The following RERE variants were observed in gnomAD, a reference collection of about 807,000 sequenced individuals.
The protein encoded by RERE is arginine-glutamic acid dipeptide repeats.
In RERE, 40 loss-of-function variants were observed where a neutral mutation model predicts 146.1. The observed-to-expected ratio is 0.27, with a 90% CI of 0.21 to 0.36. The LOEUF (loss-of-function observed/expected upper bound fraction) is 0.36, where lower values mean the gene tolerates loss of function less well. Ranked by LOEUF, RERE falls within the 10% of genes least tolerant of loss-of-function variation. The pLI is 1.00. For synonymous variants in RERE, 1,003 were observed against 866.0 expected, an observed-to-expected ratio of 1.16 and a Z score of -2.78; for missense variants, 1,933 against 2,138.7, an observed-to-expected ratio of 0.90 and a Z score of 1.90.
intron 12 of RERE, among the ~76,000 whole-genome samples, chr1:8,392,885 C>T (rs574018282): frequency 9.9e-5 from 15 of 152,238 alleles, no homozygotes; most frequent in East Asian, 1.9e-4. Flanking sequence ...GCAGAGAACA[C>T]GATGTGCATT....
intron 1 of RERE, among the ~76,000 whole-genome samples, chr1:8,810,680 T>G (rs1444293068): frequency 2.0e-5 from 3 of 152,170 alleles, no homozygotes; most frequent in Admixed American, 6.5e-5. Flanking sequence ...TAAACTAGAA[T>G]AGTAGTATCT....
intron 1 of RERE, among the ~76,000 whole-genome samples, chr1:8,759,903 A>G (rs549297270): frequency 1.3e-5 from 2 of 151,940 alleles, no homozygotes; most frequent in Non-Finnish European, 2.9e-5. Flanking sequence ...CAGAGCTATT[A>G]CACTGTATAA....
chr1:8,791,444 T>C (rs1274410161), intron 1 of RERE, among the ~76,000 whole-genome samples: 1 of 152,178 alleles, frequency 6.6e-6, no homozygotes, highest in Admixed American at 6.5e-5. Context: ...ATGCCTAGCA[T>C]TATATCTTGC....
At chr1:8,654,050 G>A (rs928262507) in intron 2 of RERE, among the ~76,000 whole-genome samples, 7 of 151,368 alleles carry the variant, frequency 4.6e-5, no homozygotes, top group South Asian at 4.2e-4. Flanking sequence ...TTGCGGGGGG[G>A]AGGGGTGGAG....
intron 7 of RERE, among the ~76,000 whole-genome samples, chr1:8,518,206 C>T (rs1318379231): frequency 1.3e-5 from 2 of 152,198 alleles, no homozygotes; most frequent in African/African-American, 2.4e-5. Flanking sequence ...GGGAAGAACA[C>T]ATGAACAGAA....
chr1:8,461,849 T>C (rs2124111629), intron 11 of RERE, among the ~76,000 whole-genome samples: 1 of 152,158 alleles, frequency 6.6e-6, no homozygotes, highest in Non-Finnish European at 1.5e-5. Flanking sequence ...CTTTTATTAT[T>C]ATTATTTTTT....
rs1643956765 is a variant in RERE at position 8,423,773 on chromosome 1, G to A, written c.1204-966C>T. The A allele has an allele frequency of 1.2e-6, 1 of 820,530 alleles. No individual in the cohort carries two copies. The highest frequency in any genetic ancestry group is 1.5e-6 in the Non-Finnish European group (1 of 682,562). 50.8% of individuals were successfully genotyped at this position (820,530 alleles called of 1,614,324 possible). ...GCGGGGCTGGGGCCGCCGCTGACGGGGGAGGAGGCAGGAGCGCGGCGCGCA... is the reference window on the plus strand; with the variant it reads ...GCGGGGCTGGGGCCGCCGCTGACGGAGGAGGAGGCAGGAGCGCGGCGCGCA... On this transcript the variant is annotated intron_variant, in intron 11 of 22. Coordinates refer to ENST00000400908, the MANE Select transcript of RERE (RefSeq NM_001042681.2). The surrounding 1 kb of genome is among the most constrained non-coding windows in gnomAD (Gnocchi z 5.4).
intron 3 of RERE, among the ~76,000 whole-genome samples, chr1:8,621,399 C>A (rs1168556055): frequency 1.3e-5 from 2 of 152,182 alleles, no homozygotes; most frequent in Non-Finnish European, 2.9e-5. Flanking sequence ...GCCTCGGTGA[C>A]TGGCGGTAGA....
At chr1:8,709,708 C>T (rs1273353949) in intron 1 of RERE, among the ~76,000 whole-genome samples, 1 of 152,140 alleles carries the variant, frequency 6.6e-6, no homozygotes, top group Non-Finnish European at 1.5e-5. Flanking sequence ...GTGGGAGTCC[C>T]ATAATTATTA....
chr1:8,499,527 T>A (rs972875242), intron 8 of RERE, among the ~76,000 whole-genome samples: 5 of 152,192 alleles, frequency 3.3e-5, no homozygotes, highest in Admixed American at 6.5e-5. Context: ...TCCTCCATCT[T>A]TTTCCAAATT....
intron 12 of RERE, among the ~76,000 whole-genome samples, chr1:8,392,673 G>A (rs527241965): frequency 1.1e-4 from 16 of 152,192 alleles, no homozygotes; most frequent in Admixed American, 3.9e-4. Context: ...TATGAGGGAC[G>A]TGGAGGCCCT....
intron 4 of RERE, among the ~76,000 whole-genome samples, chr1:8,576,615 T>C (rs897573359): frequency 6.6e-6 from 1 of 152,156 alleles, no homozygotes; most frequent in Non-Finnish European, 1.5e-5. Context: ...TGAGTCTAAA[T>C]GGGTCAAAGA....
At chr1:8,584,891 T>TA (rs1646408231) in intron 4 of RERE, among the ~76,000 whole-genome samples, 1 of 152,184 alleles carries the variant, frequency 6.6e-6, no homozygotes, top group African/African-American at 2.4e-5. Context: ...CTCACCCTTG[T>TA]AATCCCAGCA....
intron 1 of RERE, among the ~76,000 whole-genome samples, chr1:8,692,344 C>CTTTTTTTTTTT (rs55723477): frequency 6.8e-6 from 1 of 147,596 alleles, no homozygotes; most frequent in African/African-American, 2.5e-5. Context: ...CTCCCATATA[C>CTTTTTTTTTTT]TTTTTTTTTT....
chr1:8,640,786 AC>A (rs1163729440), intron 2 of RERE, among the ~76,000 whole-genome samples: 1 of 152,188 alleles, frequency 6.6e-6, no homozygotes, highest in Non-Finnish European at 1.5e-5. Flanking sequence ...GAAGTGACTA[AC>A]TTACCTTCTC....
chr1:8,687,678 C>G (rs926141429), intron 1 of RERE, among the ~76,000 whole-genome samples: 1 of 152,128 alleles, frequency 6.6e-6, no homozygotes, highest in African/African-American at 2.4e-5. Flanking sequence ...GAGATTACAT[C>G]CCATTTTCAC....
At chr1:8,789,879 C>T (rs1252660507) in intron 1 of RERE, among the ~76,000 whole-genome samples, 4 of 152,282 alleles carry the variant, frequency 2.6e-5, no homozygotes, top group South Asian at 4.1e-4. Context: ...CTTTGGTCAA[C>T]TTATTTAATC....
chr1:8,805,649 CAAAAAA>C (rs1229860670), intron 1 of RERE, among the ~76,000 whole-genome samples: 2 of 60,578 alleles, frequency 3.3e-5, no homozygotes, highest in African/African-American at 9.7e-5. Flanking sequence ...GAATCCGTCT[CAAAAAA>C]AAAAAAAAAA....
intron 4 of RERE, among the ~76,000 whole-genome samples, chr1:8,585,747 GTAAA>G (rs1040004213): frequency 3.3e-5 from 5 of 152,160 alleles, no homozygotes; most frequent in Non-Finnish European, 7.3e-5. Flanking sequence ...TGAAAACTGG[GTAAA>G]TAAACGGAAG....
Sources: gnomAD v4.1 joint callset for allele counts (sites outside exome capture counted in the v4.1 genomes callset) on GRCh38, gnomAD v4.1.1 for gene constraint, Gnocchi (gnomAD v3.1) non-coding constraint, MANE v1.5 for transcripts, NCBI Gene and HGNC (gene_info 2026-07-23, HGNC 2026-07-21) for gene names.